SAMMSON: variants seen among roughly 807,000 people sequenced by gnomAD.
SAMMSON encodes survival associated mitochondrial melanoma specific oncogenic non-coding RNA.
chr3:70,154,639 G>T (rs192553224), intron 4 of SAMMSON, among the ~76,000 whole-genome samples: 2 of 152,096 alleles, frequency 1.3e-5, no homozygotes, highest in Non-Finnish European at 2.9e-5. Flanking sequence ...GTACTTGAGC[G>T]AATGGCCTTG....
At chr3:70,017,717 G>A (rs1034383148) in intron 3 of SAMMSON, among the ~76,000 whole-genome samples, 1 of 151,954 alleles carries the variant, frequency 6.6e-6, no homozygotes, top group African/African-American at 2.4e-5. Flanking sequence ...ATTGGCTGTG[G>A]GTTTGTCATA....
At chr3:70,072,160 T>C (rs1448207705) in intron 4 of SAMMSON, 1 of 151,932 alleles carries the variant, frequency 6.6e-6, no homozygotes, top group Non-Finnish European at 1.5e-5. Context: ...TTAAGTAAAC[T>C]ATTTGCATTT....
chr3:70,152,755 G>A (rs931015049), intron 4 of SAMMSON, among the ~76,000 whole-genome samples: 1 of 152,074 alleles, frequency 6.6e-6, no homozygotes, highest in Non-Finnish European at 1.5e-5. Flanking sequence ...GGGAACCACA[G>A]TGACTGGTAG....
At chr3:70,161,174 C>A (rs544065494) in intron 4 of SAMMSON, among the ~76,000 whole-genome samples, 1 of 152,046 alleles carries the variant, frequency 6.6e-6, no homozygotes, top group Admixed American at 6.6e-5. Flanking sequence ...ATTTCTTCTT[C>A]CTATCTAATT....
intron 6 of SAMMSON, among the ~76,000 whole-genome samples, chr3:70,276,326 T>C (rs1702025681): frequency 1.3e-5 from 2 of 152,234 alleles, no homozygotes; most frequent in African/African-American, 4.8e-5. Flanking sequence ...TATTATTCCA[T>C]CTTATGAACA....
intron 2 of SAMMSON, among the ~76,000 whole-genome samples, chr3:70,432,918 G>A (rs967831968): frequency 6.6e-6 from 1 of 151,978 alleles, no homozygotes; most frequent in African/African-American, 2.4e-5. Flanking sequence ...CATACAGTAT[G>A]TAGTTTTTTC....
At chr3:70,085,189 A>G (rs375139677) in intron 4 of SAMMSON, among the ~76,000 whole-genome samples, 2 of 152,330 alleles carry the variant, frequency 1.3e-5, no homozygotes, top group African/African-American at 4.8e-5. Context: ...TATAGGGTCA[A>G]TGACTAAGTT....
At chr3:70,039,704 CA>C (rs1378706712) in intron 3 of SAMMSON, among the ~76,000 whole-genome samples, 1 of 151,518 alleles carries the variant, frequency 6.6e-6, no homozygotes. Flanking sequence ...GTCTCTGTCT[CA>C]GGGGAGGTGG....
intron 6 of SAMMSON, among the ~76,000 whole-genome samples, chr3:70,275,957 A>C (rs1702021313): frequency 6.6e-6 from 1 of 152,160 alleles, no homozygotes; most frequent in Admixed American, 6.5e-5. Context: ...TAATATTCTT[A>C]ATCAAAATAA....
chr3:70,053,010 C>T (rs73836027), intron 3 of SAMMSON, among the ~76,000 whole-genome samples: 2,893 of 152,154 alleles, frequency 0.019, 97 homozygotes, highest in African/African-American at 0.064. Context: ...ACAAAAAATG[C>T]GTAATAAGCC....
intron 9 of SAMMSON, among the ~76,000 whole-genome samples, chr3:70,375,822 A>C (rs925180653): frequency 2.6e-5 from 4 of 151,958 alleles, no homozygotes; most frequent in African/African-American, 9.7e-5. Flanking sequence ...TCTCTCCGGT[A>C]TTCACTGTTT....
At chr3:70,009,202 T>A (rs1279512664) in intron 1 of SAMMSON, 1 of 152,210 alleles carries the variant, frequency 6.6e-6, no homozygotes, top group Non-Finnish European at 1.5e-5. Context: ...TGGAATAGTT[T>A]CAGAAGGAAT....
intron 4 of SAMMSON, among the ~76,000 whole-genome samples, chr3:70,097,119 G>C (rs1296887585): frequency 1.3e-5 from 2 of 152,132 alleles, no homozygotes; most frequent in Non-Finnish European, 2.9e-5. Context: ...CCCAAACACT[G>C]GTTTTAACAC....
At chr3:70,425,557 G>A (rs1415510691) in intron 2 of SAMMSON, among the ~76,000 whole-genome samples, 1 of 149,684 alleles carries the variant, frequency 6.7e-6, no homozygotes, top group Non-Finnish European at 1.5e-5. Flanking sequence ...GACTACAGGT[G>A]CCCGCCACCA....
At chr3:70,249,178 TTAAG>T (rs1025044667) in exon 5 of SAMMSON, 7 of 152,160 alleles carry the variant, frequency 4.6e-5, no homozygotes, top group African/African-American at 1.4e-4. Context: ...TAGGAACACT[TTAAG>T]TGATTGATCT....
intron 6 of SAMMSON, among the ~76,000 whole-genome samples, chr3:70,252,891 C>T (rs1701782502): frequency 6.6e-6 from 1 of 151,778 alleles, no homozygotes; most frequent in Non-Finnish European, 1.5e-5. Context: ...ACCAGCGTGG[C>T]CAACATCGTG....
At chr3:70,277,908 C>T (rs551618831) in intron 6 of SAMMSON, among the ~76,000 whole-genome samples, 1 of 152,120 alleles carries the variant, frequency 6.6e-6, no homozygotes, top group East Asian at 1.9e-4. Flanking sequence ...TGATTGAGAC[C>T]CTACTGGCCA....
chr3:70,404,258 T>TTTTTG (rs1288006106), intron 2 of SAMMSON, among the ~76,000 whole-genome samples: 1 of 152,090 alleles, frequency 6.6e-6, no homozygotes. Flanking sequence ...TTTGGGGGAT[T>TTTTTG]AGTTGATATT....
intron 1 of SAMMSON, among the ~76,000 whole-genome samples, chr3:70,004,967 T>G (rs1300197084): frequency 6.6e-6 from 1 of 152,232 alleles, no homozygotes; most frequent in African/African-American, 2.4e-5. Flanking sequence ...AAGGGGGAAC[T>G]GCTTTATCCA....
Sources: allele counts gnomAD v4.1 joint callset (sites outside exome capture counted in the v4.1 genomes callset), GRCh38; gene constraint gnomAD v4.1.1; transcripts MANE v1.5; gene names NCBI Gene and HGNC (gene_info 2026-07-23, HGNC 2026-07-21).